Variants in BMP1 observed in about 807,000 individuals in gnomAD.
The protein encoded by BMP1 is mammalian tolloid protein.
Under a neutral mutation model 116.8 loss-of-function variants are expected in BMP1, and 63 were observed. The ratio of observed to expected loss-of-function variants is 0.54; its 90% confidence interval spans 0.44 to 0.67. The LOEUF (loss-of-function observed/expected upper bound fraction) is 0.67. Ranked by LOEUF, BMP1 falls within the 30% of genes least tolerant of loss-of-function variation. The probability of loss-of-function intolerance (pLI) is 0.00; values close to 1 mark genes in which losing one functional copy is unlikely to be tolerated. For synonymous variants in BMP1, 536 were observed against 533.4 expected, an observed-to-expected ratio of 1.00 and a Z score of -0.07; for missense variants, 1,183 against 1,358.9, an observed-to-expected ratio of 0.87 and a Z score of 2.04.
chr8:22,185,991 AC>A (rs2131865041), intron 8 of BMP1, among the ~76,000 whole-genome samples: 1 of 151,478 alleles, frequency 6.6e-6, no homozygotes, highest in Non-Finnish European at 1.5e-5. Context: ...GCCTGCCACC[AC>A]GCCCGGCTAA....
At chr8:22,209,413 C>T in intron 18 of BMP1, 32 bp from the exon 19 acceptor site, 1 of 1,609,516 alleles carries the variant, frequency 6.2e-7, no homozygotes, top group Non-Finnish European at 8.5e-7. Context: ...CTGCGGTGCT[C>T]AGGGCTGGTT....
At chr8:22,176,768 T>C in intron 4 of BMP1, 118 bp downstream of exon 4, 1 of 1,164,664 alleles carries the variant, frequency 8.6e-7, no homozygotes, top group Non-Finnish European at 1.3e-6. Flanking sequence ...CCCCTCCTGC[T>C]ATGGGGCATC....
At position 22,194,923 on chromosome 8, in the gene BMP1, C is replaced by G. The variant is rs1029274358; in HGVS notation, c.1639+4C>G. The G allele has an allele frequency of 8.1e-6, 13 of 1,603,074 alleles. No individual in the cohort carries two copies. In the Admixed American group the frequency reaches 8.6e-5, roughly 11 times the overall value. On this transcript the variant is annotated splice_donor_region_variant and intron_variant, in intron 12 of 19. Transcript: ENST00000306385. The surrounding 1 kb of genome is among the most constrained non-coding windows in gnomAD (Gnocchi z 4.5). ...TTTGCCGTCAACTTTTTCAAAGGTG[C>G]CTCCTCTGTTACTCTCCCCTGCCCC...
rs761384368 is a variant in BMP1, at chr8:22,201,820, A to G, written c.2125A>G (p.Lys709Glu). 6.2e-7 allele frequency: 1 copy of G among 1,613,726 alleles called. No homozygotes were observed. Among genetic ancestry groups the G allele is most frequent in the Non-Finnish European group, 8.5e-7 (1 of 1,180,016 alleles). The change falls in exon 16 of 20, where the codon AAG becomes GAG. Residue 709 changes from lysine to glutamate, a missense_variant. Physicochemically the swap from Lys to Glu is moderately conservative, Grantham distance 56. Coordinates refer to ENST00000306385, the MANE Select transcript of BMP1 (RefSeq NM_006129.5). ...CCCTGCAGACAAGGACGAGTGCTCC[A>G]AGGATAACGGCGGCTGCCAGCAGGA... ...HFFSDKDECS[K>E]DNGGCQQDCV...
At chr8:22,209,076 C>T (rs754874226) in intron 18 of BMP1, among the ~76,000 whole-genome samples, 1 of 152,252 alleles carries the variant, frequency 6.6e-6, no homozygotes, top group East Asian at 1.9e-4. Flanking sequence ...CCCAGATGTA[C>T]GGCTTCTCTC....
chr8:22,201,110 C>A (rs201284052), intron 15 of BMP1: 62 of 1,572,214 alleles, frequency 3.9e-5, no homozygotes, highest in Non-Finnish European at 4.9e-5. Flanking sequence ...TTCTCTCTCT[C>A]GTTTCAGAAA....
In BMP1 at chr8:22,194,906, C is replaced by A; in HGVS notation, c.1626C>A (p.Val542=). The change falls in exon 12 of 20, where the codon GTC becomes GTA. Residue 542 remains valine, a synonymous_variant. Transcript: ENST00000306385. This position sits in a 1 kb window ranked among gnomAD's most constrained non-coding sequence, Gnocchi z 4.5. ...DGSINKAGFA[V]NFFKEVDECS... ...CCATTAACAAAGCGGGCTTTGCCGTCAACTTTTTCAAAGGTGCCTCCTCTG... is the reference window on the plus strand; with the variant it reads ...CCATTAACAAAGCGGGCTTTGCCGTAAACTTTTTCAAAGGTGCCTCCTCTG... 6.2e-7 allele frequency: 1 copy of A among 1,608,110 alleles called. No individual in the cohort carries two copies. The highest frequency in any genetic ancestry group is 1.1e-5 in the South Asian group (1 of 89,996).
intron 13 of BMP1, chr8:22,196,127 G>GT (rs958082848): frequency 1.4e-4 from 72 of 501,838 alleles, no homozygotes; most frequent in Non-Finnish European, 2.1e-4. Flanking sequence ...GTGTTTTCGG[G>GT]TTTTTTTTGT....
intron 19 of BMP1, among the ~76,000 whole-genome samples, chr8:22,210,694 TG>T (rs1403562834): frequency 2.0e-5 from 3 of 152,170 alleles, no homozygotes; most frequent in Non-Finnish European, 4.4e-5. Flanking sequence ...TGGCAGGGGC[TG>T]GGACAAGGTG....
chr8:22,187,930 T>G, intron 8 of BMP1, among the ~76,000 whole-genome samples: 1 of 152,124 alleles, frequency 6.6e-6, no homozygotes, highest in East Asian at 1.9e-4. Context: ...GAGGAACTGG[T>G]TGATGGGCCT....
At chr8:22,183,274 G>T (rs1828674741) in intron 8 of BMP1, among the ~76,000 whole-genome samples, 1 of 152,120 alleles carries the variant, frequency 6.6e-6, no homozygotes, top group Admixed American at 6.6e-5. Flanking sequence ...AAAATTAGCT[G>T]GGTGTCTGGT....
chr8:22,187,576 C>G (rs1472432268), intron 8 of BMP1, among the ~76,000 whole-genome samples: 2 of 145,616 alleles, frequency 1.4e-5, no homozygotes, highest in South Asian at 2.2e-4. Flanking sequence ...GTCTCGATCT[C>G]CTGACCTCAT....
At chr8:22,196,575 T>A in intron 13 of BMP1, 105 bp from the exon 14 acceptor site, 16 of 1,522,226 alleles carry the variant, frequency 1.1e-5, no homozygotes, top group Non-Finnish European at 1.4e-5. Flanking sequence ...CCTTGGGGAG[T>A]CCACAGGCTC....
At position 22,209,834 on chromosome 8, in the gene BMP1, G is replaced by T. The variant is rs147150327; in HGVS notation, c.2826+139G>T. 6.0e-5 allele frequency: 58 copies of T among 959,090 alleles called. No homozygotes were observed. The African/African-American group carries it at 9.0e-4, about 15-fold the overall frequency. 59.4% of individuals were successfully genotyped at this position (959,090 alleles called of 1,614,324 possible). A position where few individuals can be genotyped will look rare whatever the true frequency, so the allele number is the denominator to read the frequency against. On this transcript the variant is annotated intron_variant, in intron 19 of 19. Coordinates refer to ENST00000306385, the MANE Select transcript of BMP1 (RefSeq NM_006129.5). ...GTGCAGCACGCGTGTGGCCCTGTGT[G>T]GGAGCCCAGAAGCCCAGCCTTGTTG...
intron 15 of BMP1, chr8:22,201,048 T>C: frequency 8.8e-7 from 1 of 1,136,740 alleles, no homozygotes; most frequent in Admixed American, 2.1e-5. Context: ...TTTTCACTGC[T>C]GTCCCTCCCT....
At chr8:22,200,463 A>T (rs1485392103) in intron 15 of BMP1, among the ~76,000 whole-genome samples, 1 of 151,982 alleles carries the variant, frequency 6.6e-6, no homozygotes, top group Admixed American at 6.6e-5. Flanking sequence ...CAGAGTGTGT[A>T]TTCTTTGTAT....
chr8:22,170,807 A>T (rs1328581790), intron 1 of BMP1: 2 of 152,112 alleles, frequency 1.3e-5, no homozygotes, highest in Non-Finnish European at 2.9e-5. Context: ...AAAAAATACA[A>T]AAATTAGCTG....
intron 8 of BMP1, among the ~76,000 whole-genome samples, chr8:22,183,951 C>G (rs1828697465): frequency 6.6e-6 from 1 of 152,178 alleles, no homozygotes; most frequent in African/African-American, 2.4e-5. Context: ...AACATTATCC[C>G]TGTTTTGGAT....
chr8:22,176,147 A>G lies in BMP1; in HGVS notation c.267A>G (p.Pro89=). 6.2e-7 allele frequency: 1 copy of G among 1,614,032 alleles called. No individual in the cohort carries two copies. The highest frequency in any genetic ancestry group is 8.5e-7 in the Non-Finnish European group (1 of 1,179,998). Residue 89 remains proline, a synonymous_variant, in exon 3 of 20, where the codon CCA becomes CCG. Coordinates refer to ENST00000306385, the MANE Select transcript of BMP1 (RefSeq NM_006129.5). ...CACCATGACTTCCTCTCTCAGTTCC[A>G]GGAAACACTTCTACCCCCAGCTGCC... ...ARKSSIKAAV[P]GNTSTPSCQS...
Sources: gnomAD v4.1 joint callset for allele counts (sites outside exome capture counted in the v4.1 genomes callset) on GRCh38, gnomAD v4.1.1 for gene constraint, Gnocchi (gnomAD v3.1) non-coding constraint, MANE v1.5 for transcripts, NCBI Gene and HGNC (gene_info 2026-07-23, HGNC 2026-07-21) for gene names.